Variants in ADAM12 observed in about 807,000 individuals in gnomAD.
ADAM12 encodes the protein ADAM metallopeptidase domain 12.
A neutral mutation model predicts 106.4 loss-of-function variants in ADAM12; 70 were observed. The ratio of observed to expected loss-of-function variants is 0.66; its 90% CI spans 0.54 to 0.80. The LOEUF (loss-of-function observed/expected upper bound fraction) is 0.80, where lower values mean the gene tolerates loss of function less well. Among genes scored for constraint, ADAM12 ranks in the 30% least tolerant of loss-of-function variants. The pLI, the probability that ADAM12 is intolerant of heterozygous loss-of-function variation, is 0.00. For synonymous variants in ADAM12, 420 were observed against 433.5 expected, an observed-to-expected ratio of 0.97 and a Z score of 0.39; for missense variants, 1,010 against 1,171.9, an observed-to-expected ratio of 0.86 and a Z score of 2.02.
Position 126,278,570 on chromosome 10 carries a change from A to C in ADAM12, c.260+345T>G, listed in dbSNP as rs190235784. On this transcript the variant is annotated intron_variant, in intron 3 of 22. Coordinates refer to ENST00000448723, the MANE Select transcript of ADAM12 (RefSeq NM_001288973.2). ...TCAGTTTGAAGCTGTTTCCCCTAATATAATCCAGGAGTTGTCAAAAGTCAA... is the reference window on the plus strand; with the variant it reads ...TCAGTTTGAAGCTGTTTCCCCTAATCTAATCCAGGAGTTGTCAAAAGTCAA... Among the ~76,000 whole-genome samples the C allele has an allele frequency of 1.7e-3, 266 of 152,304 alleles. 2 individuals are homozygous for C. The highest frequency in any genetic ancestry group is 6.3e-3 in the African/African-American group (262 of 41,572).
intron 11 of ADAM12, among the ~76,000 whole-genome samples, chr10:126,078,335 C>T (rs1275455971): frequency 1.3e-5 from 2 of 152,174 alleles, no homozygotes; most frequent in African/African-American, 4.8e-5. Flanking sequence ...TGAACCTGGT[C>T]CCATGCCCCC....
chr10:126,043,134 C>T lies in ADAM12; in HGVS notation c.2010G>A (p.Arg670=), dbSNP rs1216702144. Residue 670 remains arginine, a synonymous_variant, in exon 18 of 23, where the codon AGG becomes AGA. Transcript: ENST00000448723. This position sits in a 1 kb window ranked among gnomAD's most constrained non-coding sequence, Gnocchi z 4.1. Reference sequence around the variant, plus strand: ...AGTGGGCCTCGCAGTGGCAGTTCTTCCTGTTGTTGCACACCTTTCAGGGCA... The same window carrying T: ...AGTGGGCCTCGCAGTGGCAGTTCTTTCTGTTGTTGCACACCTTTCAGGGCA... ...QCHGRGVCNN[R]KNCHCEAHWA... is the part of the protein sequence containing the mutation. 6.2e-7 allele frequency: 1 copy of T among 1,614,144 alleles called. No individual in the cohort carries two copies. Among genetic ancestry groups the T allele is most frequent in the East Asian group, 2.2e-5 (1 of 44,870 alleles).
rs1479172335 is a variant in ADAM12 at position 126,113,688 on chromosome 10, ATATATATATATATATAT to A, written c.604-3865_604-3849del. On this transcript the variant is annotated intron_variant, in intron 6 of 22. Transcript: ENST00000448723. ...AAAAAAAAAAAAAAAAAAAAAAAAA[ATATATATATATATATAT>A]ATATATATATATATATATATATATA... Among the ~76,000 whole-genome samples, 47 of 10,148 alleles carry A rather than the reference ATATATATATATATATAT, an allele frequency of 4.6e-3. 1 individual carries two copies. Among genetic ancestry groups the A allele is most frequent in the Non-Finnish European group, 4.8e-3 (33 of 6,830 alleles). The allele number at this position is 10,148 out of a possible 152,430, so 6.7% of individuals were successfully genotyped here.
chr10:126,036,861 C>G (rs1355922824), intron 20 of ADAM12, among the ~76,000 whole-genome samples: 1 of 152,124 alleles, frequency 6.6e-6, no homozygotes, highest in East Asian at 1.9e-4. Flanking sequence ...GGCTTCTACC[C>G]CTTCCTTCCT....
chr10:126,133,217 T>C (rs1469078034), intron 5 of ADAM12, among the ~76,000 whole-genome samples: 1 of 152,180 alleles, frequency 6.6e-6, no homozygotes, highest in African/African-American at 2.4e-5. Context: ...GTTGTCATCT[T>C]TGCTCTAAAT....
chr10:126,237,192 T>C (rs573047516), intron 3 of ADAM12, among the ~76,000 whole-genome samples: 1 of 152,344 alleles, frequency 6.6e-6, no homozygotes, highest in South Asian at 2.1e-4. Context: ...TTTTCTGGAC[T>C]ATGAGATACG....
intron 21 of ADAM12, among the ~76,000 whole-genome samples, chr10:126,028,412 C>T (rs1195675724): frequency 6.6e-6 from 1 of 152,150 alleles, no homozygotes; most frequent in African/African-American, 2.4e-5. Context: ...TGACTTCAAA[C>T]TATACTACAA....
chr10:126,331,315 T>A (rs2133852538), intron 1 of ADAM12, among the ~76,000 whole-genome samples: 1 of 152,320 alleles, frequency 6.6e-6, no homozygotes. Context: ...AGGTGAAGGA[T>A]GGGACCAGAT....
At chr10:126,137,281 C>T (rs2133681644) in intron 4 of ADAM12, among the ~76,000 whole-genome samples, 1 of 152,296 alleles carries the variant, frequency 6.6e-6, no homozygotes, top group South Asian at 2.1e-4. Context: ...CTGAGACAGA[C>T]ATCCATTTGT....
At chr10:126,259,086 G>T (rs937189824) in intron 3 of ADAM12, among the ~76,000 whole-genome samples, 7 of 152,208 alleles carry the variant, frequency 4.6e-5, no homozygotes, top group Middle Eastern at 6.8e-3. Context: ...AGACTCTGTA[G>T]TAAATGGTTT....
At chr10:126,288,558 T>C (rs902733497) in intron 2 of ADAM12, among the ~76,000 whole-genome samples, 1 of 152,190 alleles carries the variant, frequency 6.6e-6, no homozygotes, top group Admixed American at 6.5e-5. Context: ...GGTGACATGA[T>C]GGCCTGGGGA....
chr10:126,074,702 G>A (rs1237737750), intron 11 of ADAM12, among the ~76,000 whole-genome samples: 2 of 152,136 alleles, frequency 1.3e-5, no homozygotes, highest in Admixed American at 6.5e-5. Context: ...ATAAATGGTC[G>A]TCATCCAATT....
intron 21 of ADAM12, among the ~76,000 whole-genome samples, chr10:126,022,124 G>A (rs1261216031): frequency 6.6e-6 from 1 of 152,120 alleles, no homozygotes; most frequent in East Asian, 1.9e-4. Flanking sequence ...CAATATATTT[G>A]GATTTATCAT....
At chr10:126,251,883 G>GGA in intron 3 of ADAM12, among the ~76,000 whole-genome samples, 1 of 56,690 alleles carries the variant, frequency 1.8e-5, no homozygotes, top group East Asian at 6.6e-4. Context: ...TGGGATGGAT[G>GGA]CAATGGATGG....
At chr10:126,155,399 A>C in intron 3 of ADAM12, 94 bp from the exon 4 acceptor site, 1 of 1,110,896 alleles carries the variant, frequency 9.0e-7, no homozygotes, top group Non-Finnish European at 1.3e-6. Context: ...CAAGATTGTG[A>C]CCTCCTTTTT....
intron 12 of ADAM12, among the ~76,000 whole-genome samples, chr10:126,068,546 A>C (rs1366354803): frequency 6.6e-6 from 1 of 152,222 alleles, no homozygotes; most frequent in East Asian, 1.9e-4. Context: ...TTAAACAAGG[A>C]GATAAGGCTG....
intron 3 of ADAM12, among the ~76,000 whole-genome samples, chr10:126,238,697 G>A (rs1958466570): frequency 6.6e-6 from 1 of 152,118 alleles, no homozygotes; most frequent in Non-Finnish European, 1.5e-5. Flanking sequence ...GTAATACCCA[G>A]ACCAAGAACA....
At chr10:126,265,654 C>A (rs4962544) in intron 3 of ADAM12, among the ~76,000 whole-genome samples, 42,909 of 151,984 alleles carry the variant, frequency 0.28, 6,512 homozygotes, top group South Asian at 0.45. Context: ...AACACAGGGC[C>A]CAGAGGAACA....
At chr10:126,208,927 T>C (rs957519746) in intron 3 of ADAM12, among the ~76,000 whole-genome samples, 2 of 152,210 alleles carry the variant, frequency 1.3e-5, no homozygotes, top group African/African-American at 4.8e-5. Flanking sequence ...AATTGAGCTT[T>C]TTCCTCAGTT....
Sources: allele counts gnomAD v4.1 joint callset (sites outside exome capture counted in the v4.1 genomes callset), GRCh38; gene constraint gnomAD v4.1.1; non-coding constraint Gnocchi (gnomAD v3.1); transcripts MANE v1.5; gene names NCBI Gene and HGNC (gene_info 2026-07-23, HGNC 2026-07-21).